RPS6KC1: variants seen among roughly 807,000 people sequenced by gnomAD.
The protein encoded by RPS6KC1 is inactive ribosomal protein S6 kinase delta-1.
A neutral mutation model predicts 103.8 loss-of-function variants in RPS6KC1; 54 were observed. The ratio of observed to expected loss-of-function variants is 0.52; its 90% CI spans 0.42 to 0.65. The LOEUF (loss-of-function observed/expected upper bound fraction) is 0.65, where lower values mean the gene tolerates loss of function less well. Among genes scored for constraint, RPS6KC1 ranks in the 30% least tolerant of loss-of-function variants. The probability of loss-of-function intolerance (pLI) is 0.00; values close to 1 mark genes in which losing one functional copy is unlikely to be tolerated. For missense variants in RPS6KC1, 1,151 were observed against 1,253.8 expected (o/e 0.92, Z 1.24); for synonymous variants, 439 against 438.7 (o/e 1.00, Z -0.01).
At chr1:213,846,268 C>A in the RPS6KC1 span, among the ~76,000 whole-genome samples, 1 of 151,880 alleles carries the variant, frequency 6.6e-6, no homozygotes, top group Non-Finnish European at 1.5e-5. Context: ...CCACTGCACT[C>A]CAGCCTGGGT....
At chr1:213,117,714 A>C (rs1009844868) in intron 5 of RPS6KC1, among the ~76,000 whole-genome samples, 1 of 151,594 alleles carries the variant, frequency 6.6e-6, no homozygotes, top group African/African-American at 2.4e-5. Flanking sequence ...CAGAATTTGT[A>C]TTGTCTAGTG....
At chr1:213,583,846 GAAAAAAA>G in the RPS6KC1 span, among the ~76,000 whole-genome samples, 275 of 137,956 alleles carry the variant, frequency 2.0e-3, 1 homozygote, top group East Asian at 4.5e-3. Context: ...AAAGAAAAAA[GAAAAAAA>G]AAGAAAAAAA....
At chr1:213,406,120 A>G in the RPS6KC1 span, among the ~76,000 whole-genome samples, 1 of 152,126 alleles carries the variant, frequency 6.6e-6, no homozygotes, top group Non-Finnish European at 1.5e-5. Flanking sequence ...GGGGCCAGTG[A>G]CCCGGAGTGA....
At chr1:213,323,868 C>A in the RPS6KC1 span, among the ~76,000 whole-genome samples, 1 of 152,154 alleles carries the variant, frequency 6.6e-6, no homozygotes, top group Non-Finnish European at 1.5e-5. Flanking sequence ...ATCGACACAT[C>A]ATAATCATCA....
chr1:213,819,423 C>G, the RPS6KC1 span: 1 of 152,220 alleles, frequency 6.6e-6, no homozygotes, highest in Non-Finnish European at 1.5e-5. Flanking sequence ...CAGGGCCACA[C>G]TCCCAGGAAG....
chr1:213,068,873 A>ATGTGTGTGTG lies in RPS6KC1; in HGVS notation c.106-2101_106-2092dup, dbSNP rs60259563. ...ACCAAAAAAAAAAAAAAGTGTATAT[A>ATGTGTGTGTG]TGTGTGTGTGTGTGTGTGTGTGTGT... On this transcript the variant is annotated intron_variant, in intron 1 of 14. Transcript: ENST00000366960. 1.4e-3 allele frequency among the ~76,000 whole-genome samples: 183 copies of ATGTGTGTGTG among 127,384 alleles called. 2 individuals are homozygous for ATGTGTGTGTG. The highest frequency in any genetic ancestry group is 0.012 in the Middle Eastern group (3 of 244). The allele number at this position is 127,384 out of a possible 152,430, so 83.6% of individuals were successfully genotyped here. A position where few individuals can be genotyped will look rare whatever the true frequency, so the allele number is the denominator to read the frequency against.
the RPS6KC1 span, among the ~76,000 whole-genome samples, chr1:213,371,415 A>G: frequency 6.6e-6 from 1 of 152,144 alleles, no homozygotes; most frequent in Admixed American, 6.5e-5. Flanking sequence ...GTGTGCAAAT[A>G]TCTGCTCGAG....
At chr1:213,626,894 G>T in the RPS6KC1 span, among the ~76,000 whole-genome samples, 1 of 152,144 alleles carries the variant, frequency 6.6e-6, no homozygotes, top group African/African-American at 2.4e-5. Flanking sequence ...GCTTAGGATT[G>T]ATTGGGCGAT....
chr1:213,589,088 T>C, the RPS6KC1 span, among the ~76,000 whole-genome samples: 2 of 152,074 alleles, frequency 1.3e-5, no homozygotes, highest in African/African-American at 4.8e-5. Context: ...CCCTCCCTGG[T>C]GAGTCACCTG....
At chr1:213,401,343 G>A in the RPS6KC1 span, among the ~76,000 whole-genome samples, 1 of 152,206 alleles carries the variant, frequency 6.6e-6, no homozygotes, top group Non-Finnish European at 1.5e-5. Context: ...ATCAATGACA[G>A]CCAAGTGGCT....
the RPS6KC1 span, among the ~76,000 whole-genome samples, chr1:213,711,340 CT>C: frequency 2.0e-5 from 3 of 152,088 alleles, no homozygotes; most frequent in Non-Finnish European, 2.9e-5. Flanking sequence ...AGTTCTTGTG[CT>C]TTGTTTTTCA....
At chr1:213,802,321 G>A in the RPS6KC1 span, among the ~76,000 whole-genome samples, 1 of 152,188 alleles carries the variant, frequency 6.6e-6, no homozygotes, top group Admixed American at 6.5e-5. Context: ...ACTGGAAAAA[G>A]CAAATCCAGT....
At chr1:213,837,682 CGTGT>C in the RPS6KC1 span, among the ~76,000 whole-genome samples, 5 of 151,496 alleles carry the variant, frequency 3.3e-5, no homozygotes, top group South Asian at 6.3e-4. Context: ...TGTGTGTGTG[CGTGT>C]GTGTGTGTGC....
the RPS6KC1 span, among the ~76,000 whole-genome samples, chr1:213,535,428 C>T: frequency 6.2e-4 from 95 of 152,268 alleles, 2 homozygotes; most frequent in Admixed American, 6.1e-3. Context: ...ACTGCAGGGT[C>T]CCCCACCTCA....
the RPS6KC1 span, among the ~76,000 whole-genome samples, chr1:213,726,197 C>T: frequency 1.4e-3 from 212 of 152,274 alleles, no homozygotes; most frequent in African/African-American, 4.7e-3. Context: ...GCGATCTTCT[C>T]AGCCTCAGCC....
At chr1:213,350,017 T>G in the RPS6KC1 span, among the ~76,000 whole-genome samples, 1 of 152,158 alleles carries the variant, frequency 6.6e-6, no homozygotes, top group South Asian at 2.1e-4. Flanking sequence ...ATACTCTTTT[T>G]AAGTCCCTAG....
chr1:213,575,420 C>A, the RPS6KC1 span, among the ~76,000 whole-genome samples: 1 of 152,166 alleles, frequency 6.6e-6, no homozygotes, highest in Non-Finnish European at 1.5e-5. Context: ...CCACCCAAAT[C>A]TCATCTTGAA....
the RPS6KC1 span, among the ~76,000 whole-genome samples, chr1:213,693,911 A>T: frequency 1.3e-5 from 2 of 152,206 alleles, no homozygotes; most frequent in East Asian, 3.8e-4. Flanking sequence ...ACAGTCCTTG[A>T]GTCACAATTC....
At chr1:213,085,555 T>G (rs1412605768) in intron 3 of RPS6KC1, among the ~76,000 whole-genome samples, 1 of 152,228 alleles carries the variant, frequency 6.6e-6, no homozygotes, top group African/African-American at 2.4e-5. Context: ...TTAGCATCCA[T>G]TGATGATTCT....
Sources: gnomAD v4.1 joint callset for allele counts (sites outside exome capture counted in the v4.1 genomes callset) on GRCh38, gnomAD v4.1.1 for gene constraint, MANE v1.5 for transcripts, NCBI Gene and HGNC (gene_info 2026-07-23, HGNC 2026-07-21) for gene names.